The following WHRN variants were observed in gnomAD, a reference collection of about 807,000 sequenced individuals.
The protein encoded by WHRN is whirlin.
Under a neutral mutation model 68.3 loss-of-function variants are expected in WHRN, and 41 were observed. The ratio of observed to expected loss-of-function variants is 0.60; its 90% CI spans 0.47 to 0.78. The LOEUF is 0.78. WHRN is among the 30% of genes least tolerant of loss of function. The pLI, the probability that WHRN is intolerant of heterozygous loss-of-function variation, is 0.00. For synonymous variants in WHRN, 560 were observed against 561.3 expected (o/e 1.00, Z 0.03); for missense variants, 1,243 against 1,244.7 (o/e 1.00, Z 0.02).
intron 3 of WHRN, among the ~76,000 whole-genome samples, chr9:114,434,899 C>T (rs930342533): frequency 6.6e-6 from 1 of 152,218 alleles, no homozygotes; most frequent in Non-Finnish European, 1.5e-5. Context: ...GCACCTTCCT[C>T]CCCTACTGCT....
In WHRN at chr9:114,406,345, C is replaced by T. The variant is rs1444352662; in HGVS notation, c.2236+10G>A. The T allele has an allele frequency of 1.9e-6, 3 of 1,614,024 alleles. No homozygotes were observed. The South Asian group carries it at 3.3e-5, about 18-fold the overall frequency. ...CCAAGGACCACAGAGCCTGGCCTTG[C>T]TGTACTCACTGCGCGTCTGGGGCAG... On this transcript the variant is annotated intron_variant, in intron 9 of 11. Coordinates refer to ENST00000362057, the MANE Select transcript of WHRN (RefSeq NM_015404.4).
chr9:114,431,414 G>A (rs1001743599), intron 3 of WHRN, among the ~76,000 whole-genome samples: 29 of 152,180 alleles, frequency 1.9e-4, no homozygotes, highest in African/African-American at 6.5e-4. Flanking sequence ...AAGGTCACTG[G>A]TCGTACTGGA....
chr9:114,437,894 C>T (rs943909184), intron 3 of WHRN, among the ~76,000 whole-genome samples: 1 of 152,076 alleles, frequency 6.6e-6, no homozygotes, highest in African/African-American at 2.4e-5. Flanking sequence ...TTAAGGAATT[C>T]TTAAGTTTTA....
At chr9:114,428,269 T>C (rs1837071158) in intron 3 of WHRN, among the ~76,000 whole-genome samples, 1 of 152,186 alleles carries the variant, frequency 6.6e-6, no homozygotes, top group African/African-American at 2.4e-5. Flanking sequence ...GAGATTGCAG[T>C]GAGCCGACAT....
chr9:114,406,621 G>A lies in WHRN; in HGVS notation c.1970C>T (p.Ala657Val). 1.2e-6 allele frequency: 2 copies of A among 1,611,620 alleles called. No individual in the cohort carries two copies. The highest frequency in any genetic ancestry group is 1.7e-6 in the Non-Finnish European group (2 of 1,178,178). The change falls in exon 9 of 12, where the codon GCC becomes GTC. Residue 657 changes from alanine to valine, a missense_variant. Coordinates refer to ENST00000362057, the MANE Select transcript of WHRN (RefSeq NM_015404.4). ...SSPIYASVSPANPSSKRPLDA... is the reference protein window; with the variant it reads ...SSPIYASVSPVNPSSKRPLDA... ...CAGCGGCCTCTTGGAGCTGGGGTTGGCAGGGGAGACGGAGGCATAGATGGG... is the reference window on the plus strand; with the variant it reads ...CAGCGGCCTCTTGGAGCTGGGGTTGACAGGGGAGACGGAGGCATAGATGGG...
intron 2 of WHRN, among the ~76,000 whole-genome samples, chr9:114,475,264 C>A (rs1430127790): frequency 1.3e-5 from 2 of 152,170 alleles, no homozygotes; most frequent in African/African-American, 4.8e-5. Context: ...AGCCGCCCCC[C>A]ATGACAAATT....
intron 3 of WHRN, among the ~76,000 whole-genome samples, chr9:114,431,287 A>G (rs1837400869): frequency 6.6e-6 from 1 of 152,208 alleles, no homozygotes; most frequent in Non-Finnish European, 1.5e-5. Context: ...GGTAGCTGTG[A>G]GAATCAAATG....
intron 3 of WHRN, among the ~76,000 whole-genome samples, chr9:114,448,301 C>T (rs1402546799): frequency 6.6e-6 from 1 of 152,102 alleles, no homozygotes; most frequent in African/African-American, 2.4e-5. Flanking sequence ...GTGACACTGC[C>T]ACGAGCCGAA....
Position 114,505,298 on chromosome 9 carries a change from G to C in WHRN, c.-497C>G, listed in dbSNP as rs1216245714. 1.3e-5 allele frequency: 2 copies of C among 153,792 alleles called. No individual in the cohort carries two copies. The highest frequency in any genetic ancestry group is 2.9e-5 in the Non-Finnish European group (2 of 69,240). The allele number at this position is 153,792 out of a possible 1,614,324, so 9.5% of individuals were successfully genotyped here. On this transcript the variant is annotated 5_prime_UTR_variant, in exon 1 of 12. Coordinates refer to ENST00000362057, the MANE Select transcript of WHRN (RefSeq NM_015404.4). ...AGAAGTTGGGGCGGAGGGCGCTCTA[G>C]TCCCAGAGCACTCCGGGGAGTGGCA...
intron 3 of WHRN, among the ~76,000 whole-genome samples, chr9:114,448,670 C>T (rs919070162): frequency 2.0e-5 from 3 of 152,112 alleles, no homozygotes; most frequent in South Asian, 2.1e-4. Flanking sequence ...TAGAGGCAGC[C>T]CAAACTAGCA....
At chr9:114,474,111 G>C (rs1014050858) in intron 2 of WHRN, among the ~76,000 whole-genome samples, 1 of 152,096 alleles carries the variant, frequency 6.6e-6, no homozygotes, top group African/African-American at 2.4e-5. Flanking sequence ...TCAAAGAAAT[G>C]AGTTCACCCC....
Position 114,504,710 on chromosome 9 carries a change from C to G in WHRN, c.92G>C (p.Gly31Ala). The change falls in exon 1 of 12, where the codon GGG becomes GCG. Residue 31 changes from glycine (G) to alanine (A), a missense_variant. Transcript: ENST00000362057. ...AAGAGGGGGA[G>A]LRLLSANVRQ... ...CACGTTGGCAGACAGTAACCGCAGC[C>G]CCGCGCCCCCGCCGCCGCCCGCCCC... The G allele has an allele frequency of 6.6e-7, 1 of 1,525,536 alleles. No homozygotes were observed. The highest frequency in any genetic ancestry group is 8.7e-7 in the Non-Finnish European group (1 of 1,145,870). 94.5% of individuals were successfully genotyped at this position (1,525,536 alleles called of 1,614,324 possible).
At chr9:114,500,746 G>A (rs749000701) in intron 1 of WHRN, among the ~76,000 whole-genome samples, 14 of 152,198 alleles carry the variant, frequency 9.2e-5, no homozygotes, top group Non-Finnish European at 1.8e-4. Context: ...CTCCCAGGGC[G>A]GTGCTGTTTG....
intron 1 of WHRN, among the ~76,000 whole-genome samples, chr9:114,485,717 A>G (rs1310630033): frequency 6.6e-6 from 1 of 151,272 alleles, no homozygotes; most frequent in Non-Finnish European, 1.5e-5. Context: ...ATAAATATCA[A>G]TTGTTGCCTG....
intron 3 of WHRN, among the ~76,000 whole-genome samples, chr9:114,465,790 T>C (rs1840631902): frequency 6.6e-6 from 1 of 152,164 alleles, no homozygotes; most frequent in Non-Finnish European, 1.5e-5. Context: ...ACCCTACCCC[T>C]CAGGGTCACG....
At chr9:114,417,824 A>G (rs908951459) in intron 7 of WHRN, among the ~76,000 whole-genome samples, 1 of 152,178 alleles carries the variant, frequency 6.6e-6, no homozygotes, top group Non-Finnish European at 1.5e-5. Context: ...AAGAGGTGGG[A>G]ATATAGAGTT....
chr9:114,428,705 G>C (rs1308930401), intron 3 of WHRN, among the ~76,000 whole-genome samples: 3 of 152,144 alleles, frequency 2.0e-5, no homozygotes, highest in Non-Finnish European at 4.4e-5. Flanking sequence ...CTACTGTGCT[G>C]CCATCCTTTC....
intron 7 of WHRN, among the ~76,000 whole-genome samples, chr9:114,416,762 A>C (rs1029964181): frequency 4.6e-5 from 7 of 152,176 alleles, no homozygotes; most frequent in African/African-American, 1.2e-4. Context: ...TTTGGAGTAG[A>C]AACAGAATGG....
At chr9:114,407,458 C>A (rs1217588982) in intron 8 of WHRN, among the ~76,000 whole-genome samples, 1 of 152,164 alleles carries the variant, frequency 6.6e-6, no homozygotes, top group Non-Finnish European at 1.5e-5. Flanking sequence ...TAGCACAGTG[C>A]CTGCGCCACA....
Sources: gnomAD v4.1 joint callset for allele counts (sites outside exome capture counted in the v4.1 genomes callset) on GRCh38, gnomAD v4.1.1 for gene constraint, MANE v1.5 for transcripts, NCBI Gene and HGNC (gene_info 2026-07-23, HGNC 2026-07-21) for gene names.